KITLG: variants seen among roughly 807,000 people sequenced by gnomAD.
KITLG encodes the protein c-Kit ligand.
A neutral mutation model predicts 34.1 loss-of-function variants in KITLG; 13 were observed. The ratio of observed to expected loss-of-function variants is 0.38; its 90% confidence interval spans 0.25 to 0.61. The LOEUF is 0.61. Among genes scored for constraint, KITLG ranks in the 20% least tolerant of loss-of-function variants. The pLI, the probability that KITLG is intolerant of heterozygous loss-of-function variation, is 0.60. For missense variants in KITLG, 292 were observed against 318.9 expected (o/e 0.92, Z 0.64); for synonymous variants, 110 against 104.0 (o/e 1.06, Z -0.35).
intron 1 of KITLG, among the ~76,000 whole-genome samples, chr12:88,546,316 G>A (rs1011451959): frequency 6.6e-6 from 1 of 152,162 alleles, no homozygotes; most frequent in Non-Finnish European, 1.5e-5. Flanking sequence ...ATCTACAATA[G>A]CACACCAAGT....
intron 1 of KITLG, among the ~76,000 whole-genome samples, chr12:88,566,461 T>C (rs1461119872): frequency 6.6e-6 from 1 of 152,198 alleles, no homozygotes; most frequent in African/African-American, 2.4e-5. Context: ...TTTTAAATGC[T>C]ACAGGAGCTC....
chr12:88,501,819 C>A (rs1387199569), intron 9 of KITLG, among the ~76,000 whole-genome samples: 4 of 151,856 alleles, frequency 2.6e-5, no homozygotes, highest in Non-Finnish European at 4.4e-5. Context: ...CTGAGATATT[C>A]ATTCATCTTT....
chr12:88,551,958 G>T (rs1201058904), intron 1 of KITLG, among the ~76,000 whole-genome samples: 1 of 152,112 alleles, frequency 6.6e-6, no homozygotes, highest in Non-Finnish European at 1.5e-5. Context: ...TGGAAGAAGG[G>T]TCGGGGAAAT....
intron 1 of KITLG, among the ~76,000 whole-genome samples, chr12:88,575,642 T>C (rs2120993788): frequency 6.6e-6 from 1 of 152,284 alleles, no homozygotes; most frequent in South Asian, 2.1e-4. Context: ...AAAAATATCT[T>C]GGTGTTCCCT....
At chr12:88,501,273 A>G (rs1399289546) in intron 9 of KITLG, among the ~76,000 whole-genome samples, 1 of 152,120 alleles carries the variant, frequency 6.6e-6, no homozygotes, top group Non-Finnish European at 1.5e-5. Context: ...AATTTGTTTT[A>G]GTTGGTGAAA....
At chr12:88,553,762 A>G (rs1244514839) in intron 1 of KITLG, among the ~76,000 whole-genome samples, 1 of 152,224 alleles carries the variant, frequency 6.6e-6, no homozygotes, top group Non-Finnish European at 1.5e-5. Context: ...GCACTGTTAC[A>G]ACCAAGGCAT....
chr12:88,560,457 C>T (rs779176133), intron 1 of KITLG, among the ~76,000 whole-genome samples: 11 of 152,054 alleles, frequency 7.2e-5, no homozygotes, highest in Non-Finnish European at 1.3e-4. Flanking sequence ...CCTCTGCCTC[C>T]CCATAGATTA....
intron 2 of KITLG, among the ~76,000 whole-genome samples, chr12:88,543,246 C>T (rs982805517): frequency 1.3e-5 from 2 of 152,050 alleles, no homozygotes; most frequent in South Asian, 4.2e-4. Flanking sequence ...TTTCTCCAAA[C>T]GCTATCCCTC....
intron 6 of KITLG, among the ~76,000 whole-genome samples, chr12:88,509,827 T>C (rs1163554165): frequency 6.6e-6 from 1 of 152,192 alleles, no homozygotes; most frequent in African/African-American, 2.4e-5. Context: ...GATTTGCTTA[T>C]ACCTCCAGGG....
chr12:88,553,289 T>C (rs1247647283), intron 1 of KITLG, among the ~76,000 whole-genome samples: 1 of 152,230 alleles, frequency 6.6e-6, no homozygotes, highest in Non-Finnish European at 1.5e-5. Context: ...CTTCTTCCAA[T>C]TTCTGGAAAC....
At chr12:88,568,025 G>A (rs1457069112) in intron 1 of KITLG, among the ~76,000 whole-genome samples, 4 of 152,026 alleles carry the variant, frequency 2.6e-5, no homozygotes, top group Non-Finnish European at 5.9e-5. Flanking sequence ...ATTTTTTATT[G>A]CTCAAGTCTG....
chr12:88,523,233 C>T (rs1031524616), intron 3 of KITLG, among the ~76,000 whole-genome samples: 1 of 152,158 alleles, frequency 6.6e-6, no homozygotes, highest in African/African-American at 2.4e-5. Flanking sequence ...ACCAGAATTC[C>T]AGACCTAGAA....
chr12:88,568,237 A>T (rs1871512356), intron 1 of KITLG, among the ~76,000 whole-genome samples: 1 of 152,104 alleles, frequency 6.6e-6, no homozygotes, highest in South Asian at 2.1e-4. Context: ...GATACAATTT[A>T]TTGAGCATCA....
intron 6 of KITLG, among the ~76,000 whole-genome samples, chr12:88,513,834 C>A (rs1242859736): frequency 2.0e-5 from 3 of 151,426 alleles, no homozygotes; most frequent in Non-Finnish European, 3.0e-5. Context: ...TTTTCAATTC[C>A]CTTTTCTCAA....
chr12:88,579,692 G>A (rs1405585647), intron 1 of KITLG, among the ~76,000 whole-genome samples: 2 of 152,140 alleles, frequency 1.3e-5, no homozygotes, highest in African/African-American at 4.8e-5. Context: ...ACCGCCGAGA[G>A]CCAAGTTTCC....
rs1200982253 is a variant in KITLG, at chr12:88,569,286, T to G, written c.15+10978A>C. Among the ~76,000 whole-genome samples the G allele has an allele frequency of 3.3e-5, 5 of 152,214 alleles. No homozygotes were observed. The East Asian group carries it at 9.6e-4, about 29-fold the overall frequency. On this transcript the variant is annotated intron_variant, in intron 1 of 9. Transcript: ENST00000644744. The stretch of plus-strand genomic sequence containing the variant: ...CTCTAGGTAAACTCTTTTGTGATTC[T>G]AATTATACACATTTTTCTTTTTCAG...
At chr12:88,532,295 CCTG>C in intron 3 of KITLG, 143 bp downstream of exon 3, 1 of 657,652 alleles carries the variant, frequency 1.5e-6, no homozygotes, top group South Asian at 1.9e-5. Context: ...GAAAAAAAAG[CCTG>C]CAAGTCAAAT....
intron 4 of KITLG, among the ~76,000 whole-genome samples, chr12:88,517,766 T>G (rs1869507775): frequency 6.6e-6 from 1 of 152,106 alleles, no homozygotes; most frequent in Admixed American, 6.6e-5. Flanking sequence ...ATTATTAGTA[T>G]GGTAAGAATT....
chr12:88,513,029 T>C (rs1199216627), intron 6 of KITLG, among the ~76,000 whole-genome samples: 1 of 151,860 alleles, frequency 6.6e-6, no homozygotes, highest in Admixed American at 6.6e-5. Context: ...TACTTTAAAA[T>C]ACGTATGACA....
Sources: gnomAD v4.1 joint callset for allele counts (sites outside exome capture counted in the v4.1 genomes callset) on GRCh38, gnomAD v4.1.1 for gene constraint, MANE v1.5 for transcripts, NCBI Gene and HGNC (gene_info 2026-07-23, HGNC 2026-07-21) for gene names.